Variants in M1AP observed in about 807,000 individuals in gnomAD.
M1AP encodes meiosis 1 associated protein.
In M1AP, 39 loss-of-function variants were observed where a neutral mutation model predicts 51.2. That is an observed-to-expected ratio of 0.76 (90% CI 0.59 to 1.00). The LOEUF is 1.00. Among genes scored for constraint, M1AP ranks in the 50% least tolerant of loss-of-function variants. The pLI is 0.00. For missense variants in M1AP, 545 were observed against 641.2 expected (o/e 0.85, Z 1.62); for synonymous variants, 251 against 249.2 (o/e 1.01, Z -0.07).
At chr2:74,600,522 G>A (rs1680615589) in intron 4 of M1AP, among the ~76,000 whole-genome samples, 1 of 152,152 alleles carries the variant, frequency 6.6e-6, no homozygotes, top group Non-Finnish European at 1.5e-5. Context: ...CCAGCATTAG[G>A]GATCTGTTCT....
chr2:74,598,620 AC>A, intron 4 of M1AP, among the ~76,000 whole-genome samples: 1 of 133,234 alleles, frequency 7.5e-6, no homozygotes, highest in Admixed American at 7.3e-5. Context: ...CTGTATATCA[AC>A]TTTTTTTTTT....
At chr2:74,560,007 C>T (rs1573050006) in intron 9 of M1AP, 144 bp downstream of exon 9, 1 of 865,790 alleles carries the variant, frequency 1.2e-6, no homozygotes. Flanking sequence ...CTAATTTTCC[C>T]CTCCACCAGG....
At chr2:74,600,288 G>C (rs184836863) in intron 4 of M1AP, among the ~76,000 whole-genome samples, 1 of 152,290 alleles carries the variant, frequency 6.6e-6, no homozygotes, top group Non-Finnish European at 1.5e-5. Context: ...GAAAGTATTT[G>C]AACAGTAAGT....
intron 8 of M1AP, among the ~76,000 whole-genome samples, chr2:74,561,169 A>G (rs866013426): frequency 0.14 from 3,778 of 26,428 alleles, no homozygotes; most frequent in Non-Finnish European, 0.24. Flanking sequence ...GGAGGAGGAG[A>G]AGGAGGAGGA....
At chr2:74,618,753 A>G in intron 2 of M1AP, 1 of 236,046 alleles carries the variant, frequency 4.2e-6, no homozygotes, top group Non-Finnish European at 8.8e-6. Flanking sequence ...ACAGGTGCAA[A>G]TGTGCCAAAC....
At chr2:74,599,747 T>A (rs1680565605) in intron 4 of M1AP, among the ~76,000 whole-genome samples, 1 of 152,032 alleles carries the variant, frequency 6.6e-6, no homozygotes, top group Admixed American at 6.5e-5. Context: ...TTCTAGAATA[T>A]ATATTCTCTC....
At chr2:74,630,248 A>G (rs1383289008) in intron 2 of M1AP, among the ~76,000 whole-genome samples, 1 of 152,196 alleles carries the variant, frequency 6.6e-6, no homozygotes, top group Non-Finnish European at 1.5e-5. Flanking sequence ...GTATATAGGT[A>G]TTCAAAACTG....
chr2:74,609,492 C>A (rs1240470730), intron 3 of M1AP, among the ~76,000 whole-genome samples: 3 of 152,202 alleles, frequency 2.0e-5, no homozygotes, highest in Non-Finnish European at 4.4e-5. Flanking sequence ...CATATCTTGG[C>A]TACTGTGCAC....
chr2:74,580,121 C>G (rs1253666948), intron 5 of M1AP, among the ~76,000 whole-genome samples: 1 of 152,176 alleles, frequency 6.6e-6, no homozygotes, highest in Non-Finnish European at 1.5e-5. Flanking sequence ...TTCTTTCTTA[C>G]TGGTACATAA....
At chr2:74,593,305 C>A (rs1195944549) in intron 4 of M1AP, among the ~76,000 whole-genome samples, 1 of 152,192 alleles carries the variant, frequency 6.6e-6, no homozygotes, top group East Asian at 1.9e-4. Context: ...GAATTCCAGT[C>A]TGGTTAGGTT....
At chr2:74,609,365 C>T (rs1681198421) in intron 3 of M1AP, among the ~76,000 whole-genome samples, 2 of 152,184 alleles carry the variant, frequency 1.3e-5, no homozygotes, top group African/African-American at 4.8e-5. Flanking sequence ...TAGACTCATC[C>T]ATGTTGTCAC....
chr2:74,631,684 G>A (rs1682717393), intron 2 of M1AP, among the ~76,000 whole-genome samples: 1 of 152,026 alleles, frequency 6.6e-6, no homozygotes, highest in African/African-American at 2.4e-5. Context: ...TTCACAGTAA[G>A]GGCATTCTTC....
At chr2:74,631,622 T>A (rs746492443) in intron 2 of M1AP, among the ~76,000 whole-genome samples, 8 of 152,172 alleles carry the variant, frequency 5.3e-5, no homozygotes, top group Admixed American at 6.5e-5. Flanking sequence ...GTAGATTATA[T>A]ATGATTTAAA....
intron 1 of M1AP, among the ~76,000 whole-genome samples, chr2:74,645,729 T>A (rs964589457): frequency 1.3e-5 from 2 of 152,258 alleles, no homozygotes; most frequent in African/African-American, 4.8e-5. Flanking sequence ...GCTGCTATTC[T>A]GGGCACACTG....
chr2:74,621,475 C>A (rs900348884), intron 2 of M1AP, among the ~76,000 whole-genome samples: 2 of 151,810 alleles, frequency 1.3e-5, no homozygotes, highest in African/African-American at 4.8e-5. Flanking sequence ...ACACATAAGA[C>A]TTTGAAGAGT....
intron 4 of M1AP, among the ~76,000 whole-genome samples, chr2:74,606,581 TAA>T (rs1196973632): frequency 2.6e-5 from 4 of 151,870 alleles, no homozygotes; most frequent in Non-Finnish European, 5.9e-5. Flanking sequence ...ATTAAAATAT[TAA>T]GAGAGTGTGT....
At chr2:74,646,662 G>C (rs1274844146) in intron 1 of M1AP, among the ~76,000 whole-genome samples, 4 of 152,260 alleles carry the variant, frequency 2.6e-5, no homozygotes, top group African/African-American at 9.6e-5. Flanking sequence ...TTTACTATGA[G>C]AGTTTTTTTT....
At chr2:74,598,829 T>TCAGGCTGATCTTGAA (rs1399767612) in intron 4 of M1AP, among the ~76,000 whole-genome samples, 1 of 151,884 alleles carries the variant, frequency 6.6e-6, no homozygotes, top group Non-Finnish European at 1.5e-5. Flanking sequence ...ACTATGTTGT[T>TCAGGCTGATCTTGAA]CAGGCTGATC....
At chr2:74,630,328 A>AT (rs1682629441) in intron 2 of M1AP, among the ~76,000 whole-genome samples, 1 of 152,148 alleles carries the variant, frequency 6.6e-6, no homozygotes, top group South Asian at 2.1e-4. Flanking sequence ...CCTTAAAAAA[A>AT]TTTTTATTTT....
Sources: allele counts gnomAD v4.1 joint callset (sites outside exome capture counted in the v4.1 genomes callset), GRCh38; gene constraint gnomAD v4.1.1; transcripts MANE v1.5; gene names NCBI Gene and HGNC (gene_info 2026-07-23, HGNC 2026-07-21).